The following CCSER1 variants were observed in gnomAD, a reference collection of about 807,000 sequenced individuals.
CCSER1 encodes coiled-coil serine rich protein 1, also known as serine-rich coiled-coil domain-containing protein 1.
A neutral mutation model predicts 82.0 loss-of-function variants in CCSER1; 41 were observed. The ratio of observed to expected loss-of-function variants is 0.50; its 90% CI spans 0.39 to 0.65. CCSER1 has a LOEUF of 0.65. Among genes scored for constraint, CCSER1 ranks in the 30% least tolerant of loss-of-function variants. The pLI, the probability that CCSER1 is intolerant of heterozygous loss-of-function variation, is 0.00. For missense variants in CCSER1, 1,119 were observed against 1,064.2 expected (o/e 1.05, Z -0.72); for synonymous variants, 414 against 383.9 (o/e 1.08, Z -0.92).
chr4:90,409,706 G>A (rs1754375532), intron 4 of CCSER1, among the ~76,000 whole-genome samples: 1 of 152,170 alleles, frequency 6.6e-6, no homozygotes, highest in South Asian at 2.1e-4. Context: ...TCAAGGCTAG[G>A]AAGAAACTGC....
intron 8 of CCSER1, among the ~76,000 whole-genome samples, chr4:90,894,758 G>T (rs1401606089): frequency 6.6e-6 from 1 of 151,628 alleles, no homozygotes; most frequent in African/African-American, 2.4e-5. Context: ...GCCAATGATG[G>T]TTCTACTCAT....
chr4:91,231,162 C>T (rs1004543799), intron 10 of CCSER1, among the ~76,000 whole-genome samples: 1 of 151,812 alleles, frequency 6.6e-6, no homozygotes, highest in African/African-American at 2.4e-5. Flanking sequence ...TTCATTGTGG[C>T]ATTAATCACA....
At chr4:90,947,489 C>G (rs188692223) in intron 9 of CCSER1, among the ~76,000 whole-genome samples, 56 of 152,240 alleles carry the variant, frequency 3.7e-4, no homozygotes, top group African/African-American at 1.2e-3. Context: ...AGCAGCTCAA[C>G]TAGATTTTTC....
intron 7 of CCSER1, among the ~76,000 whole-genome samples, chr4:90,783,313 T>G (rs1754058935): frequency 6.6e-6 from 1 of 152,182 alleles, no homozygotes; most frequent in Non-Finnish European, 1.5e-5. Context: ...AACTAACTGC[T>G]ACTCCCAAAT....
chr4:91,496,615 C>T (rs796348562), intron 10 of CCSER1, among the ~76,000 whole-genome samples: 226 of 12,494 alleles, frequency 0.018, 87 homozygotes, highest in Non-Finnish European at 0.036. Flanking sequence ...TATATATATA[C>T]ACGAATATAT....
At chr4:91,204,442 C>G (rs945940949) in intron 10 of CCSER1, among the ~76,000 whole-genome samples, 2 of 151,780 alleles carry the variant, frequency 1.3e-5, no homozygotes, top group African/African-American at 4.8e-5. Flanking sequence ...TTTTGATGTG[C>G]TACTTTGGGG....
rs1298999802 is a variant in CCSER1, at chr4:91,600,935, C to G, written c.*1878C>G. ...GCTATAATGATCATGCAGATATACACTTTGGGCTGGGCAATATTTAAGAAA... is the reference window on the plus strand; with the variant it reads ...GCTATAATGATCATGCAGATATACAGTTTGGGCTGGGCAATATTTAAGAAA... On this transcript the variant is annotated 3_prime_UTR_variant, in exon 11 of 11. Coordinates refer to ENST00000509176, the MANE Select transcript of CCSER1 (RefSeq NM_001145065.2). 1 of 152,044 alleles carries G rather than the reference C, an allele frequency of 6.6e-6. No individual in the cohort carries two copies. The highest frequency in any genetic ancestry group is 1.9e-4 in the East Asian group (1 of 5,200). 9.4% of individuals were successfully genotyped at this position (152,044 alleles called of 1,614,324 possible).
intron 10 of CCSER1, among the ~76,000 whole-genome samples, chr4:91,367,691 A>G (rs180740649): frequency 6.6e-5 from 10 of 152,104 alleles, no homozygotes; most frequent in Admixed American, 1.3e-4. Flanking sequence ...TTCACCTTCC[A>G]CTATTCAAGA....
At chr4:90,326,091 C>G (rs1449630077) in intron 3 of CCSER1, among the ~76,000 whole-genome samples, 2 of 133,466 alleles carry the variant, frequency 1.5e-5, no homozygotes, top group Non-Finnish European at 3.1e-5. Flanking sequence ...CGGAATCTCA[C>G]TCTTTCACCC....
intron 10 of CCSER1, among the ~76,000 whole-genome samples, chr4:91,295,379 T>A (rs1269297667): frequency 6.6e-6 from 1 of 151,904 alleles, no homozygotes; most frequent in Non-Finnish European, 1.5e-5. Flanking sequence ...AAATACAGTA[T>A]TGTTTGTAAA....
chr4:90,945,095 T>G (rs959746292), intron 9 of CCSER1, among the ~76,000 whole-genome samples: 2 of 152,170 alleles, frequency 1.3e-5, no homozygotes, highest in African/African-American at 2.4e-5. Context: ...ATTATCTTTA[T>G]GTTTCCCTTC....
intron 8 of CCSER1, among the ~76,000 whole-genome samples, chr4:90,856,712 A>T (rs1219317420): frequency 6.6e-6 from 1 of 152,140 alleles, no homozygotes; most frequent in Non-Finnish European, 1.5e-5. Context: ...GCATTATTTC[A>T]TTTTCCACAG....
At chr4:90,870,913 A>T (rs1766401344) in intron 8 of CCSER1, among the ~76,000 whole-genome samples, 1 of 147,466 alleles carries the variant, frequency 6.8e-6, no homozygotes, top group South Asian at 2.1e-4. Context: ...TTATGGCTAA[A>T]TTTTTTGGGT....
intron 8 of CCSER1, among the ~76,000 whole-genome samples, chr4:90,850,508 C>T (rs1181769312): frequency 1.3e-5 from 2 of 152,230 alleles, no homozygotes; most frequent in East Asian, 1.9e-4. Context: ...CCACTTCCTG[C>T]ACCAGCGTGC....
At chr4:90,545,469 T>C (rs988580671) in intron 5 of CCSER1, among the ~76,000 whole-genome samples, 4 of 152,154 alleles carry the variant, frequency 2.6e-5, no homozygotes, top group African/African-American at 9.7e-5. Flanking sequence ...CTTAAAATGA[T>C]ATTCCATTGC....
intron 5 of CCSER1, among the ~76,000 whole-genome samples, chr4:90,583,776 T>C (rs1781682023): frequency 6.6e-6 from 1 of 151,942 alleles, no homozygotes; most frequent in Non-Finnish European, 1.5e-5. Context: ...AAATCAACCA[T>C]GGATGAAAAT....
chr4:91,445,595 CTT>C (rs35438545), intron 10 of CCSER1, among the ~76,000 whole-genome samples: 22 of 152,174 alleles, frequency 1.4e-4, no homozygotes, highest in Admixed American at 8.5e-4. Context: ...TTCTCTCTCA[CTT>C]TCTCACCCCC....
intron 8 of CCSER1, among the ~76,000 whole-genome samples, chr4:90,829,525 TA>T (rs1760875119): frequency 1.3e-5 from 2 of 152,204 alleles, no homozygotes; most frequent in Middle Eastern, 3.2e-3. Context: ...TACCATGAGT[TA>T]ACAGCAGCCT....
intron 10 of CCSER1, among the ~76,000 whole-genome samples, chr4:91,376,873 C>T (rs995936171): frequency 6.7e-5 from 10 of 149,488 alleles, no homozygotes; most frequent in African/African-American, 2.5e-4. Flanking sequence ...TCATCATTTA[C>T]ATTAGGTATA....
Sources: allele counts gnomAD v4.1 joint callset (sites outside exome capture counted in the v4.1 genomes callset), GRCh38; gene constraint gnomAD v4.1.1; transcripts MANE v1.5; gene names NCBI Gene and HGNC (gene_info 2026-07-23, HGNC 2026-07-21).